Variants in MAST2 observed in about 807,000 individuals in gnomAD.
The protein encoded by MAST2 is microtubule-associated serine/threonine-protein kinase 2.
A neutral mutation model predicts 147.4 loss-of-function variants in MAST2; 70 were observed. The ratio of observed to expected loss-of-function variants is 0.47; its 90% confidence interval spans 0.39 to 0.58. The LOEUF is 0.58. Among genes scored for constraint, MAST2 ranks in the 20% least tolerant of loss-of-function variants. The probability of loss-of-function intolerance (pLI) is 0.00; values close to 1 mark genes in which losing one functional copy is unlikely to be tolerated. For synonymous variants in MAST2, 869 were observed against 896.8 expected (o/e 0.97, Z 0.55); for missense variants, 2,080 against 2,302.3 (o/e 0.90, Z 1.98).
At chr1:45,944,793 C>T (rs1455281604) in intron 4 of MAST2, among the ~76,000 whole-genome samples, 1 of 152,156 alleles carries the variant, frequency 6.6e-6, no homozygotes. Flanking sequence ...GTTCTGAATT[C>T]CTCAGATCTT....
At chr1:45,952,500 A>G (rs1386129540) in intron 4 of MAST2, among the ~76,000 whole-genome samples, 5 of 152,254 alleles carry the variant, frequency 3.3e-5, no homozygotes, top group Non-Finnish European at 7.3e-5. Flanking sequence ...AATGAGTTGT[A>G]CATTTTAAAA....
intron 4 of MAST2, among the ~76,000 whole-genome samples, chr1:45,935,550 T>C (rs1656066427): frequency 6.6e-6 from 1 of 152,208 alleles, no homozygotes; most frequent in Admixed American, 6.5e-5. Context: ...CCTTTGATCA[T>C]CTTGAGTTGA....
chr1:46,031,314 C>A lies in MAST2; in HGVS notation c.2992+24C>A, dbSNP rs1331937643. ...AGGTATGGCCCAGTGGGCGGCCAAA[C>A]GACCTAAGCTGGAGGATACTGCAGG... On this transcript the variant is annotated intron_variant, in intron 23 of 28. Coordinates refer to ENST00000361297, the MANE Select transcript of MAST2 (RefSeq NM_015112.3). The surrounding 1 kb of genome is among the most constrained non-coding windows in gnomAD (Gnocchi z 4.1). 18 of 1,542,976 alleles carry A rather than the reference C, an allele frequency of 1.2e-5. No homozygotes were observed. The highest frequency in any genetic ancestry group is 1.6e-5 in the Non-Finnish European group (18 of 1,141,346).
intron 1 of MAST2, among the ~76,000 whole-genome samples, chr1:45,821,546 A>T (rs1644631233): frequency 8.7e-6 from 1 of 114,950 alleles, no homozygotes; most frequent in African/African-American, 3.5e-5. Context: ...TTTGAGACAG[A>T]GTCTCGTTCT....
rs1439147521 is a variant in MAST2 at position 46,023,354 on chromosome 1, GC to G, written c.1571+38del. On this transcript the variant is annotated intron_variant, in intron 14 of 28. Transcript: ENST00000361297. This position sits in a 1 kb window ranked among gnomAD's most constrained non-coding sequence, Gnocchi z 4.9. ...GGGTCAGGGTGTGGCCAGGACTGAA[GC>G]CGGGTCAGCCTTTGATCTCTTCCAT... The G allele has an allele frequency of 6.3e-7, 1 of 1,579,876 alleles. No homozygotes were observed. Among genetic ancestry groups the G allele is most frequent in the South Asian group, 1.1e-5 (1 of 90,362 alleles).
intron 3 of MAST2, among the ~76,000 whole-genome samples, chr1:45,839,149 G>C (rs1010263109): frequency 1.6e-5 from 1 of 62,648 alleles, no homozygotes; most frequent in South Asian, 5.7e-4. Context: ...TTTTTTTTGA[G>C]ACGGAGTCTC....
chr1:45,840,691 A>T (rs1366363588), intron 3 of MAST2, among the ~76,000 whole-genome samples: 1 of 152,224 alleles, frequency 6.6e-6, no homozygotes, highest in Non-Finnish European at 1.5e-5. Flanking sequence ...AATTTAATAT[A>T]TAAACTACCT....
chr1:45,959,323 C>T, intron 4 of MAST2, 63 bp from the exon 5 acceptor site: 1 of 1,342,798 alleles, frequency 7.4e-7, no homozygotes, highest in Middle Eastern at 1.8e-4. Context: ...CCTTAAAAAC[C>T]ACTCAAGGTC....
At chr1:45,892,115 T>C (rs1242114000) in intron 4 of MAST2, among the ~76,000 whole-genome samples, 1 of 152,236 alleles carries the variant, frequency 6.6e-6, no homozygotes, top group African/African-American at 2.4e-5. Context: ...AGCATGATTC[T>C]CAAATGTGAC....
intron 3 of MAST2, among the ~76,000 whole-genome samples, chr1:45,861,993 G>A (rs989663547): frequency 2.0e-5 from 3 of 152,226 alleles, no homozygotes; most frequent in Non-Finnish European, 4.4e-5. Flanking sequence ...AGCATTTGCA[G>A]TCTTGATTTC....
intron 5 of MAST2, among the ~76,000 whole-genome samples, chr1:45,968,834 A>G (rs1465917352): frequency 7.2e-6 from 1 of 139,026 alleles, no homozygotes; most frequent in Non-Finnish European, 1.6e-5. Flanking sequence ...TACGTATCAC[A>G]CCTTTTGTAA....
chr1:46,006,190 A>G, intron 7 of MAST2, 51 bp from the exon 8 acceptor site: 2 of 1,534,916 alleles, frequency 1.3e-6, no homozygotes, highest in Non-Finnish European at 1.8e-6. Context: ...CCATTCTTGG[A>G]CTGCTCTGGG....
chr1:46,003,816 G>A (rs1236674472), intron 7 of MAST2, among the ~76,000 whole-genome samples: 1 of 152,136 alleles, frequency 6.6e-6, no homozygotes, highest in Non-Finnish European at 1.5e-5. Context: ...AACTTTTTCT[G>A]TAAAGAGCCC....
chr1:45,821,952 G>C (rs1352645825), intron 1 of MAST2, among the ~76,000 whole-genome samples: 1 of 134,778 alleles, frequency 7.4e-6, no homozygotes, highest in Non-Finnish European at 1.5e-5. Context: ...GCAGTGGTGT[G>C]ATTTCTGCTC....
intron 5 of MAST2, among the ~76,000 whole-genome samples, chr1:45,977,487 T>TCAAACAAA (rs557332564): frequency 5.5e-5 from 8 of 146,258 alleles, no homozygotes; most frequent in Non-Finnish European, 9.0e-5. Flanking sequence ...AAACTCTATC[T>TCAAACAAA]CAAACAAACA....
intron 21 of MAST2, 184 bp downstream of exon 21, chr1:46,030,422 C>G: frequency 1.2e-6 from 1 of 841,710 alleles, no homozygotes; most frequent in Non-Finnish European, 1.8e-6. Flanking sequence ...ACTGCTGTCC[C>G]TGACATGAGA....
Position 46,023,758 on chromosome 1 carries a change from A to G in MAST2, c.1572-14A>G. The G allele has an allele frequency of 6.2e-7, 1 of 1,612,598 alleles. No individual in the cohort carries two copies. The highest frequency in any genetic ancestry group is 8.5e-7 in the Non-Finnish European group (1 of 1,179,108). ...TGAGGGTCCATGGGGGATGGGCCGGACTTTGTTTCCCAGGGCTGTATTTCT... is the reference window on the plus strand; with the variant it reads ...TGAGGGTCCATGGGGGATGGGCCGGGCTTTGTTTCCCAGGGCTGTATTTCT... On this transcript the variant is annotated splice_polypyrimidine_tract_variant and intron_variant, in intron 14 of 28. Coordinates refer to ENST00000361297, the MANE Select transcript of MAST2 (RefSeq NM_015112.3). The surrounding 1 kb of genome is among the most constrained non-coding windows in gnomAD (Gnocchi z 4.9).
In MAST2 at chr1:46,029,828, C is replaced by A. The variant is rs369022057; in HGVS notation, c.2321-3C>A. On this transcript the variant is annotated splice_polypyrimidine_tract_variant and splice_region_variant and intron_variant, in intron 19 of 28. Coordinates refer to ENST00000361297, the MANE Select transcript of MAST2 (RefSeq NM_015112.3). ...CCCTTGCCCATGTCCTCCCTGTCCACAGGCAGTGCCTATGAGGTGAAGCAG... is the reference window on the plus strand; with the variant it reads ...CCCTTGCCCATGTCCTCCCTGTCCAAAGGCAGTGCCTATGAGGTGAAGCAG... The A allele has an allele frequency of 4.3e-6, 7 of 1,613,834 alleles. No homozygotes were observed. The African/African-American group carries it at 6.7e-5, about 15-fold the overall frequency.
At chr1:46,030,051 C>T (rs1646579803) in intron 20 of MAST2, 78 bp from the exon 21 acceptor site, 2 of 1,603,868 alleles carry the variant, frequency 1.2e-6, no homozygotes, top group South Asian at 2.2e-5. Flanking sequence ...CTTCTCAGGG[C>T]TCTGCTGAAA....
Sources: allele counts gnomAD v4.1 joint callset (sites outside exome capture counted in the v4.1 genomes callset), GRCh38; gene constraint gnomAD v4.1.1; non-coding constraint Gnocchi (gnomAD v3.1); transcripts MANE v1.5; gene names NCBI Gene and HGNC (gene_info 2026-07-23, HGNC 2026-07-21).